The following SGCZ variants were observed in gnomAD, a reference collection of about 807,000 sequenced individuals.
The protein encoded by SGCZ is sarcoglycan zeta.
Under a neutral mutation model 41.3 loss-of-function variants are expected in SGCZ, and 40 were observed. That is an observed-to-expected ratio of 0.97 (90% CI 0.75 to 1.26). SGCZ has a LOEUF of 1.26. Ranked by LOEUF, SGCZ falls within the 50% of genes most tolerant of loss-of-function variation. The probability of loss-of-function intolerance (pLI) is 0.00; values close to 1 mark genes in which losing one functional copy is unlikely to be tolerated. For synonymous variants in SGCZ, 206 were observed against 137.5 expected (o/e 1.50, Z -3.49); for missense variants, 552 against 369.8 (o/e 1.49, Z -4.04).
chr8:14,664,444 C>T (rs1028459040), intron 1 of SGCZ, among the ~76,000 whole-genome samples: 8 of 152,166 alleles, frequency 5.3e-5, no homozygotes, highest in South Asian at 2.1e-4. Context: ...TTGTTTAATT[C>T]GATTGCATGA....
At chr8:14,796,510 T>C (rs762697374) in intron 1 of SGCZ, among the ~76,000 whole-genome samples, 5 of 152,216 alleles carry the variant, frequency 3.3e-5, no homozygotes, top group South Asian at 2.1e-4. Context: ...ACATTAACTT[T>C]CATTAAAAAA....
At chr8:14,566,665 C>T (rs1351812618) in intron 1 of SGCZ, among the ~76,000 whole-genome samples, 1 of 152,254 alleles carries the variant, frequency 6.6e-6, no homozygotes, top group Non-Finnish European at 1.5e-5. Flanking sequence ...ATGCTGGCAG[C>T]CCTCACAGCC....
chr8:14,489,931 G>A (rs919482525), intron 2 of SGCZ, among the ~76,000 whole-genome samples: 29 of 143,354 alleles, frequency 2.0e-4, no homozygotes, highest in African/African-American at 5.1e-4. Flanking sequence ...CAAGTGGCAC[G>A]ATCTTGGCTC....
At chr8:14,667,143 A>G (rs1807936535) in intron 1 of SGCZ, among the ~76,000 whole-genome samples, 1 of 152,156 alleles carries the variant, frequency 6.6e-6, no homozygotes, top group African/African-American at 2.4e-5. Context: ...AAAGTTTCCA[A>G]TAAATATTCT....
intron 1 of SGCZ, among the ~76,000 whole-genome samples, chr8:15,012,235 G>A (rs1423179262): frequency 6.6e-6 from 1 of 151,834 alleles, no homozygotes; most frequent in African/African-American, 2.4e-5. Flanking sequence ...AGATGAGGTG[G>A]GAGGATCACT....
chr8:15,101,730 G>C (rs1806622186), intron 1 of SGCZ, among the ~76,000 whole-genome samples: 1 of 152,088 alleles, frequency 6.6e-6, no homozygotes, highest in Non-Finnish European at 1.5e-5. Flanking sequence ...AGGCATTTGA[G>C]ACCAGCCTGG....
chr8:15,011,144 T>C (rs1802813168), intron 1 of SGCZ, among the ~76,000 whole-genome samples: 2 of 152,196 alleles, frequency 1.3e-5, no homozygotes, highest in Non-Finnish European at 2.9e-5. Context: ...GCAATAAGGG[T>C]TATTTAGAGA....
At chr8:14,453,374 G>A (rs60025935) in intron 2 of SGCZ, among the ~76,000 whole-genome samples, 1 of 151,906 alleles carries the variant, frequency 6.6e-6, no homozygotes, top group Non-Finnish European at 1.5e-5. Context: ...ATTTGCAATT[G>A]AAATAATCAA....
At chr8:14,753,394 T>C (rs914846707) in intron 1 of SGCZ, among the ~76,000 whole-genome samples, 1 of 152,208 alleles carries the variant, frequency 6.6e-6, no homozygotes, top group African/African-American at 2.4e-5. Flanking sequence ...CCAGGTTTTA[T>C]TAACAACAAC....
At chr8:14,892,698 A>T (rs1021335611) in intron 1 of SGCZ, among the ~76,000 whole-genome samples, 9 of 152,226 alleles carry the variant, frequency 5.9e-5, no homozygotes, top group Non-Finnish European at 1.3e-4. Context: ...AATAAAAATT[A>T]TGATCAACAC....
intron 1 of SGCZ, among the ~76,000 whole-genome samples, chr8:14,974,913 T>A (rs189319391): frequency 2.6e-4 from 39 of 151,366 alleles, no homozygotes; most frequent in African/African-American, 8.0e-4. Context: ...GCCTCCAATC[T>A]GGACCAACTG....
chr8:14,867,528 T>C (rs934814037), intron 1 of SGCZ, among the ~76,000 whole-genome samples: 1 of 152,126 alleles, frequency 6.6e-6, no homozygotes, highest in African/African-American at 2.4e-5. Context: ...GAATTGCCAC[T>C]CTTTCCTCCA....
At chr8:14,251,776 T>G (rs1799295095) in intron 3 of SGCZ, among the ~76,000 whole-genome samples, 1 of 152,152 alleles carries the variant, frequency 6.6e-6, no homozygotes, top group African/African-American at 2.4e-5. Flanking sequence ...AAATTTAACT[T>G]TGTAAAATGT....
intron 1 of SGCZ, among the ~76,000 whole-genome samples, chr8:14,631,451 T>C (rs951285486): frequency 6.6e-6 from 1 of 152,056 alleles, no homozygotes; most frequent in Non-Finnish European, 1.5e-5. Flanking sequence ...TGGAGGTATC[T>C]ACACCACAGA....
chr8:14,111,523 T>C (rs1466162083), intron 5 of SGCZ, among the ~76,000 whole-genome samples: 1 of 152,148 alleles, frequency 6.6e-6, no homozygotes, highest in Non-Finnish European at 1.5e-5. Flanking sequence ...GTAAACTTAT[T>C]GAATAAATGT....
chr8:14,097,037 T>C (rs1801868217), intron 7 of SGCZ, among the ~76,000 whole-genome samples: 1 of 152,150 alleles, frequency 6.6e-6, no homozygotes, highest in African/African-American at 2.4e-5. Context: ...GTTGATCTTT[T>C]CAAAAAACCA....
intron 2 of SGCZ, among the ~76,000 whole-genome samples, chr8:14,412,010 G>A (rs772314309): frequency 2.0e-5 from 3 of 152,178 alleles, no homozygotes; most frequent in East Asian, 1.9e-4. Context: ...ATGCAAGGGC[G>A]TGCATCTTCT....
chr8:14,428,255 G>A (rs1365149753), intron 2 of SGCZ, among the ~76,000 whole-genome samples: 1 of 150,860 alleles, frequency 6.6e-6, no homozygotes, highest in African/African-American at 2.4e-5. Flanking sequence ...TAATATGTAG[G>A]GTAAATATAT....
intron 1 of SGCZ, among the ~76,000 whole-genome samples, chr8:14,891,841 T>G (rs547226322): frequency 7.9e-5 from 12 of 152,326 alleles, no homozygotes; most frequent in Middle Eastern, 6.8e-3. Flanking sequence ...CATCTTAACA[T>G]GCAGACAATA....
Sources: gnomAD v4.1 joint callset for allele counts (sites outside exome capture counted in the v4.1 genomes callset) on GRCh38, gnomAD v4.1.1 for gene constraint, MANE v1.5 for transcripts, NCBI Gene and HGNC (gene_info 2026-07-23, HGNC 2026-07-21) for gene names.